HTT: variants seen among roughly 807,000 people sequenced by gnomAD.
The protein encoded by HTT is huntington disease protein.
In HTT, 104 loss-of-function variants were observed where a neutral mutation model predicts 362.3. That is an observed-to-expected ratio of 0.29 (90% CI 0.24 to 0.34). HTT has a LOEUF of 0.34. Among genes scored for constraint, HTT ranks in the 10% least tolerant of loss-of-function variants. The pLI is 1.00. For missense variants in HTT, 3,301 were observed against 3,928.6 expected (o/e 0.84, Z 4.27); for synonymous variants, 1,577 against 1,548.7 (o/e 1.02, Z -0.43).
intron 2 of HTT, among the ~76,000 whole-genome samples, chr4:3,089,522 G>A (rs2110144710): frequency 6.6e-6 from 1 of 152,276 alleles, no homozygotes; most frequent in Non-Finnish European, 1.5e-5. Context: ...CAAAGTGCTG[G>A]GATTACAGGC....
At chr4:3,132,159 G>A (rs1000852403) in intron 16 of HTT, among the ~76,000 whole-genome samples, 2 of 152,228 alleles carry the variant, frequency 1.3e-5, no homozygotes, top group Admixed American at 6.5e-5. Context: ...TCTCCATCGC[G>A]CCCATGCTTA....
chr4:3,186,838 CTTTTTTTTT>C (rs1160738052), intron 38 of HTT, 119 bp downstream of exon 38: 26 of 250,374 alleles, frequency 1.0e-4, no homozygotes, highest in East Asian at 9.2e-4. Flanking sequence ...TGAGAGTTTG[CTTTTTTTTT>C]TTTTTTTTTT....
intron 51 of HTT, among the ~76,000 whole-genome samples, chr4:3,215,910 TCAG>T (rs1432073459): frequency 6.6e-6 from 1 of 152,218 alleles, no homozygotes; most frequent in Non-Finnish European, 1.5e-5. Context: ...CTGGGGTGCT[TCAG>T]CTTCTTTAGC....
At chr4:3,143,417 A>T (rs1412262561) in intron 23 of HTT, among the ~76,000 whole-genome samples, 2 of 143,506 alleles carry the variant, frequency 1.4e-5, no homozygotes, top group Non-Finnish European at 3.0e-5. Context: ...AGCCTGTGCA[A>T]TAGAGCGAGA....
rs746271452 is a variant in HTT at position 3,213,961 on chromosome 4, C to G, written c.6778C>G (p.Leu2260Val). The G allele has an allele frequency of 1.9e-6, 3 of 1,553,664 alleles. No individual in the cohort carries two copies. In the South Asian group the frequency reaches 3.6e-5, roughly 18 times the overall value. The change falls in exon 50 of 67, where the codon CTG becomes GTG. Residue 2260 changes from leucine to valine, a missense_variant. Coordinates refer to ENST00000355072, the MANE Select transcript of HTT (RefSeq NM_001388492.1). The part of the protein sequence containing the change: ...VKFVVATLEA[L>V]SWHLIHEQIP... ...GTGACTCGGTACTTCCCTTTAGGCC[C>G]TGTCCTGGCATTTGATCCATGAGCA...
intron 62 of HTT, 78 bp downstream of exon 62, chr4:3,235,476 T>C: frequency 6.6e-7 from 1 of 1,508,904 alleles, no homozygotes; most frequent in Middle Eastern, 1.7e-4. Context: ...ATCATACCAG[T>C]GGGCCAGTTT....
rs1457009845 is a variant in HTT, at chr4:3,112,945, G to A, written c.748-2359G>A. ...GCTTTTACTCTTAGCCTTCCTGATG[G>A]GTGTTTTCTGGAATCACATTATGAT... On this transcript the variant is annotated intron_variant, in intron 6 of 66. Coordinates refer to ENST00000355072, the MANE Select transcript of HTT (RefSeq NM_001388492.1). 1.7e-5 allele frequency: 10 copies of A among 583,618 alleles called. No individual in the cohort carries two copies. The South Asian group carries it at 6.0e-4, about 35-fold the overall frequency. 36.2% of individuals were successfully genotyped at this position (583,618 alleles called of 1,614,324 possible). A position where few individuals can be genotyped will look rare whatever the true frequency, so the allele number is the denominator to read the frequency against.
At chr4:3,130,574 C>T (rs1302771334) in intron 14 of HTT, 151 bp downstream of exon 14, 1 of 560,516 alleles carries the variant, frequency 1.8e-6, no homozygotes, top group African/African-American at 1.9e-5. Context: ...CTGTTGTTTT[C>T]TGCCTTTCCA....
rs760695672 is a variant in HTT at position 3,220,294 on chromosome 4, G to A, written c.7355G>A (p.Arg2452His). The part of the protein sequence containing the change: ...EKEVFKEFIY[R>H]INTLGWTSRT... Reference sequence around the variant, plus strand: ...GAAGTCTTTAAGGAGTTCATCTACCGCATCAACACACTAGGTACTCTTGGG... The same window carrying A: ...GAAGTCTTTAAGGAGTTCATCTACCACATCAACACACTAGGTACTCTTGGG... The change falls in exon 53 of 67, where the codon CGC becomes CAC. Residue 2452 changes from arginine to histidine, a missense_variant. Transcript: ENST00000355072. 3.7e-6 allele frequency: 6 copies of A among 1,613,820 alleles called. No individual in the cohort carries two copies. The highest frequency in any genetic ancestry group is 1.7e-5 in the Admixed American group (1 of 59,990).
chr4:3,074,734 G>A lies in HTT; in HGVS notation c.-92G>A. ...CCGCTCAGGTTCTGCTTTTACCTGC[G>A]GCCCAGAGCCCCATTCATTGCCCCG... On this transcript the variant is annotated 5_prime_UTR_variant, in exon 1 of 67. Coordinates refer to ENST00000355072, the MANE Select transcript of HTT (RefSeq NM_001388492.1). 4 of 1,341,124 alleles carry A rather than the reference G, an allele frequency of 3.0e-6. No individual in the cohort carries two copies. The highest frequency in any genetic ancestry group is 4.0e-6 in the Non-Finnish European group (4 of 1,006,066). The allele number at this position is 1,341,124 out of a possible 1,614,324, so 83.1% of individuals were successfully genotyped here. A position where few individuals can be genotyped will look rare whatever the true frequency, so the allele number is the denominator to read the frequency against.
chr4:3,145,066 G>T, intron 23 of HTT, 86 bp from the exon 24 acceptor site: 1 of 1,007,090 alleles, frequency 9.9e-7, no homozygotes. Context: ...CTCATTGTTT[G>T]TACTTTTTAT....
intron 27 of HTT, among the ~76,000 whole-genome samples, chr4:3,156,393 T>C (rs1290079929): frequency 6.6e-6 from 1 of 152,202 alleles, no homozygotes; most frequent in Non-Finnish European, 1.5e-5. Context: ...GTGCTGGGAT[T>C]ACAGGTGTGA....
Position 3,122,908 on chromosome 4 carries a change from C to T in HTT, c.1293C>T (p.Cys431=). 4 of 1,611,608 alleles carry T rather than the reference C, an allele frequency of 2.5e-6. No homozygotes were observed. The highest frequency in any genetic ancestry group is 2.5e-6 in the Non-Finnish European group (3 of 1,178,604). Residue 431 remains cysteine (C), a synonymous_variant, in exon 10 of 67, where the codon TGC becomes TGT. Transcript: ENST00000355072. ...TTGCAGCTGGAGGGGGTTCCTCATG[C>T]AGCCCTGTCCTTTCAAGAAAACAAA... The part of the protein sequence containing the change: ...VELIAGGGSS[C]SPVLSRKQKG...
chr4:3,239,112 G>A (rs1186190861), intron 66 of HTT, 134 bp downstream of exon 66: 2 of 954,848 alleles, frequency 2.1e-6, no homozygotes, highest in Non-Finnish European at 3.1e-6. Context: ...CTCAGCCCCA[G>A]GGAAGTAAAA....
rs527473090 is a variant in HTT, at chr4:3,085,303, A to G, written c.264-1636A>G. 1.8e-4 allele frequency among the ~76,000 whole-genome samples: 27 copies of G among 151,858 alleles called. No homozygotes were observed. The East Asian group carries it at 3.9e-3, about 22-fold the overall frequency. On this transcript the variant is annotated intron_variant, in intron 1 of 66. Coordinates refer to ENST00000355072, the MANE Select transcript of HTT (RefSeq NM_001388492.1). ...TAGGCGCCCGCCACCACGCCCAACTATTTTTTGTATTTTTAGTAGAGCAGC... is the reference window on the plus strand; with the variant it reads ...TAGGCGCCCGCCACCACGCCCAACTGTTTTTTGTATTTTTAGTAGAGCAGC...
intron 29 of HTT, among the ~76,000 whole-genome samples, chr4:3,169,319 G>A (rs1048894675): frequency 6.6e-6 from 1 of 152,004 alleles, no homozygotes; most frequent in African/African-American, 2.4e-5. Flanking sequence ...CACCCAGCTA[G>A]GCCATTATTT....
Position 3,189,108 on chromosome 4 carries a change from T to C in HTT, c.5368+15T>C. 1 of 1,613,362 alleles carries C rather than the reference T, an allele frequency of 6.2e-7. No individual in the cohort carries two copies. The highest frequency in any genetic ancestry group is 2.2e-5 in the East Asian group (1 of 44,876). On this transcript the variant is annotated intron_variant, in intron 40 of 66. Coordinates refer to ENST00000355072, the MANE Select transcript of HTT (RefSeq NM_001388492.1). ...CTTCAAGTCTGGTAGGTGAATCACATTAGTCTTCCTGGAGTGTCTCGTTCC... is the reference window on the plus strand; with the variant it reads ...CTTCAAGTCTGGTAGGTGAATCACACTAGTCTTCCTGGAGTGTCTCGTTCC...
chr4:3,228,654 C>A lies in HTT; in HGVS notation c.7888C>A (p.Pro2630Thr), dbSNP rs201944095. The change falls in exon 58 of 67, where the codon CCC (proline) becomes ACC (threonine). Residue 2630 changes from proline to threonine, a missense_variant. Physicochemically the swap from Pro to Thr is conservative, Grantham distance 38. Transcript: ENST00000355072. This position sits in a 1 kb window ranked among gnomAD's most constrained non-coding sequence, Gnocchi z 4.3. ...HSVWLGNSITPLREEEWDEEE... is the reference protein window; with the variant it reads ...HSVWLGNSITTLREEEWDEEE... ...CGTGTGGCTGGGGAACAGCATCACA[C>A]CCCTGAGGGAGGAGGAATGGGACGA... The A allele has an allele frequency of 5.0e-6, 8 of 1,606,732 alleles. No homozygotes were observed. The East Asian group carries it at 1.6e-4, about 31-fold the overall frequency.
At chr4:3,181,772 G>A (rs1224691616) in intron 36 of HTT, among the ~76,000 whole-genome samples, 1 of 152,160 alleles carries the variant, frequency 6.6e-6, no homozygotes, top group Non-Finnish European at 1.5e-5. Flanking sequence ...AGCAGGTGGT[G>A]GCAGGCAGAG....
Sources: gnomAD v4.1 joint callset for allele counts (sites outside exome capture counted in the v4.1 genomes callset) on GRCh38, gnomAD v4.1.1 for gene constraint, Gnocchi (gnomAD v3.1) non-coding constraint, MANE v1.5 for transcripts, NCBI Gene and HGNC (gene_info 2026-07-23, HGNC 2026-07-21) for gene names.